SYN3: variants seen among roughly 807,000 people sequenced by gnomAD.
SYN3 encodes the protein synapsin-3.
SYN3 carries 35 observed loss-of-function variants against 65.8 expected under a neutral mutation model. The observed-to-expected ratio is 0.53, with a 90% CI of 0.41 to 0.70. The LOEUF is 0.70. Among genes scored for constraint, SYN3 ranks in the 30% least tolerant of loss-of-function variants. The pLI is 0.00. For missense variants in SYN3, 680 were observed against 749.0 expected, an observed-to-expected ratio of 0.91 and a Z score of 1.08; for synonymous variants, 270 against 292.9, an observed-to-expected ratio of 0.92 and a Z score of 0.80.
Position 32,522,301 on chromosome 22 carries a change from T to G in SYN3, c.1319-3967A>C, listed in dbSNP as rs539110217. On this transcript the variant is annotated intron_variant, in intron 12 of 13. Transcript: ENST00000358763. ...TTACCTTAATTGGTTTTAAATTGAT[T>G]GTTTTTCAACTCACTAAAAGTGTGT... 2.0e-5 allele frequency among the ~76,000 whole-genome samples: 3 copies of G among 152,336 alleles called. No individual in the cohort carries two copies. The East Asian group carries it at 5.8e-4, about 29-fold the overall frequency.
chr22:32,846,266 C>G (rs2048059842), intron 6 of SYN3, among the ~76,000 whole-genome samples: 1 of 152,164 alleles, frequency 6.6e-6, no homozygotes, highest in South Asian at 2.1e-4. Context: ...CAAAATACCT[C>G]CTATACTTGT....
intron 6 of SYN3, among the ~76,000 whole-genome samples, chr22:32,667,186 C>T (rs9609615): frequency 1.3e-5 from 2 of 151,932 alleles, no homozygotes; most frequent in South Asian, 2.1e-4. Context: ...TTCCTTCTCC[C>T]TCACTCGCTC....
chr22:33,034,546 A>C (rs940428678), intron 1 of SYN3, among the ~76,000 whole-genome samples: 2 of 152,012 alleles, frequency 1.3e-5, no homozygotes, highest in African/African-American at 2.4e-5. Context: ...ACGCTCGGCC[A>C]GTATGTACTA....
chr22:33,049,035 A>T (rs907827090), intron 1 of SYN3, among the ~76,000 whole-genome samples: 4 of 152,220 alleles, frequency 2.6e-5, no homozygotes, highest in African/African-American at 9.6e-5. Flanking sequence ...GGGAATTACT[A>T]TTCAGGGTTT....
At chr22:32,874,306 T>C (rs968021542) in intron 4 of SYN3, among the ~76,000 whole-genome samples, 1 of 152,180 alleles carries the variant, frequency 6.6e-6, no homozygotes, top group Non-Finnish European at 1.5e-5. Context: ...AGCTGGGTTT[T>C]CTTGTTATTT....
intron 6 of SYN3, among the ~76,000 whole-genome samples, chr22:32,774,050 G>A (rs1032407780): frequency 6.6e-6 from 1 of 152,084 alleles, no homozygotes; most frequent in Non-Finnish European, 1.5e-5. Context: ...CCAAGGACAG[G>A]AAAGAAAAGA....
intron 4 of SYN3, among the ~76,000 whole-genome samples, chr22:32,884,668 C>CA (rs1249831856): frequency 6.6e-6 from 1 of 152,158 alleles, no homozygotes; most frequent in African/African-American, 2.4e-5. Context: ...ATCACGAGGT[C>CA]AGGAGACAGA....
At chr22:32,950,060 G>A (rs2051244353) in intron 3 of SYN3, among the ~76,000 whole-genome samples, 1 of 152,188 alleles carries the variant, frequency 6.6e-6, no homozygotes, top group South Asian at 2.1e-4. Flanking sequence ...GTCAGTTGGT[G>A]AAGAAGTATC....
chr22:32,876,030 C>A (rs2048972885), intron 4 of SYN3, among the ~76,000 whole-genome samples: 1 of 152,184 alleles, frequency 6.6e-6, no homozygotes, highest in African/African-American at 2.4e-5. Flanking sequence ...CCTAAAACAA[C>A]AACCCTGACT....
At chr22:33,037,956 G>A (rs1019122994) in intron 1 of SYN3, among the ~76,000 whole-genome samples, 1 of 148,298 alleles carries the variant, frequency 6.7e-6, no homozygotes, top group Non-Finnish European at 1.5e-5. Context: ...AAGTAAAGAA[G>A]AAAAATGCAG....
At chr22:32,585,965 C>T (rs13055292) in intron 7 of SYN3, among the ~76,000 whole-genome samples, 6 of 70,984 alleles carry the variant, frequency 8.5e-5, no homozygotes, top group African/African-American at 3.0e-4. Flanking sequence ...TGTGTATATA[C>T]GTATATATGT....
intron 6 of SYN3, among the ~76,000 whole-genome samples, chr22:32,763,070 A>G (rs2036416033): frequency 1.3e-5 from 2 of 152,188 alleles, no homozygotes; most frequent in Admixed American, 1.3e-4. Context: ...CTTTGAATGT[A>G]TGAACTCATT....
Position 32,811,922 on chromosome 22 carries a change from A to T in SYN3, c.711+52993T>A, listed in dbSNP as rs115131183. 6.3e-3 allele frequency among the ~76,000 whole-genome samples: 963 copies of T among 152,284 alleles called. 12 individuals carry two copies. The highest frequency in any genetic ancestry group is 0.02 in the African/African-American group (844 of 41,552). On this transcript the variant is annotated intron_variant, in intron 6 of 13. Coordinates refer to ENST00000358763, the MANE Select transcript of SYN3 (RefSeq NM_003490.4). ...CCAAAGAGAGGGCCCTAGAAATGGA[A>T]TGGTGACAATGAACTTGGCTGAAGA...
intron 7 of SYN3, among the ~76,000 whole-genome samples, chr22:32,577,889 G>A (rs1005808784): frequency 6.6e-6 from 1 of 152,088 alleles, no homozygotes; most frequent in African/African-American, 2.4e-5. Context: ...GATCACATTC[G>A]TCACACTCTG....
intron 7 of SYN3, among the ~76,000 whole-genome samples, chr22:32,543,246 G>T (rs116802992): frequency 1.4e-4 from 21 of 152,278 alleles, no homozygotes; most frequent in African/African-American, 5.1e-4. Flanking sequence ...AGGCAGGCAG[G>T]CTGGGCACTG....
intron 6 of SYN3, among the ~76,000 whole-genome samples, chr22:32,607,228 C>A (rs2059385033): frequency 6.6e-6 from 1 of 152,166 alleles, no homozygotes; most frequent in South Asian, 2.1e-4. Flanking sequence ...AGCGGTGGGG[C>A]AGTGTCTGTG....
chr22:32,750,338 A>G (rs2045077502), intron 6 of SYN3, among the ~76,000 whole-genome samples: 1 of 152,190 alleles, frequency 6.6e-6, no homozygotes, highest in Non-Finnish European at 1.5e-5. Flanking sequence ...AACATCTGGG[A>G]GAAGATTGTT....
intron 6 of SYN3, chr22:32,802,190 C>T (rs2145932116): frequency 2.6e-6 from 4 of 1,525,544 alleles, no homozygotes; most frequent in Middle Eastern, 3.4e-4. Flanking sequence ...CTTAGGGAGG[C>T]AGGGCGAGCC....
intron 6 of SYN3, among the ~76,000 whole-genome samples, chr22:32,633,225 T>G (rs1394015724): frequency 6.6e-6 from 1 of 152,246 alleles, no homozygotes; most frequent in African/African-American, 2.4e-5. Context: ...TACTTCATAT[T>G]CATTTTCTGA....
Sources: allele counts gnomAD v4.1 joint callset (sites outside exome capture counted in the v4.1 genomes callset), GRCh38; gene constraint gnomAD v4.1.1; transcripts MANE v1.5; gene names NCBI Gene and HGNC (gene_info 2026-07-23, HGNC 2026-07-21).